PPP1CC: variants seen among roughly 807,000 people sequenced by gnomAD.
The protein encoded by PPP1CC is protein phosphatase 1 catalytic subunit gamma, also known as serine/threonine-protein phosphatase PP1-gamma catalytic subunit.
Under a neutral mutation model 38.4 loss-of-function variants are expected in PPP1CC, and 16 were observed. The observed-to-expected ratio is 0.42, with a 90% CI of 0.28 to 0.63. The LOEUF (loss-of-function observed/expected upper bound fraction) is 0.63, where lower values mean the gene tolerates loss of function less well. PPP1CC is among the 30% of genes least tolerant of loss of function. The probability of loss-of-function intolerance (pLI) is 0.25; values close to 1 mark genes in which losing one functional copy is unlikely to be tolerated. For missense variants in PPP1CC, 170 were observed against 391.3 expected (o/e 0.43, Z 4.77); for synonymous variants, 158 against 136.0 (o/e 1.16, Z -1.13).
At chr12:110,731,975 C>CA in intron 1 of PPP1CC, 74 bp from the exon 2 acceptor site, 1 of 1,535,542 alleles carries the variant, frequency 6.5e-7, no homozygotes, top group African/African-American at 1.4e-5. Flanking sequence ...GATAAAGGGG[C>CA]AAAAACATGG....
At chr12:110,714,518 G>A in the PPP1CC span, among the ~76,000 whole-genome samples, 1 of 151,896 alleles carries the variant, frequency 6.6e-6, no homozygotes, top group Non-Finnish European at 1.5e-5. Context: ...TGTGGTGTTT[G>A]TAGGTCAGTA....
At chr12:110,723,655 G>A (rs1020428970) in intron 4 of PPP1CC, among the ~76,000 whole-genome samples, 1 of 152,100 alleles carries the variant, frequency 6.6e-6, no homozygotes, top group Non-Finnish European at 1.5e-5. Context: ...GGCTACAGGT[G>A]TGCACCATTA....
chr12:110,710,447 G>A, the PPP1CC span, among the ~76,000 whole-genome samples: 5 of 144,008 alleles, frequency 3.5e-5, no homozygotes, highest in South Asian at 4.4e-4. Context: ...GGCTGGGTGC[G>A]GTGGCTCACA....
rs2136536035 is a variant in PPP1CC at position 110,720,245 on chromosome 12, G to A, written c.*831C>T. On this transcript the variant is annotated 3_prime_UTR_variant, in exon 7 of 7. Transcript: ENST00000335007. The stretch of plus-strand genomic sequence containing the variant: ...TTAATGAATAGACTATATGGAAATT[G>A]TATAAAATGTTATTACCTTTTATCG... The A allele has an allele frequency of 6.8e-7, 1 of 1,468,354 alleles. No individual in the cohort carries two copies. Among genetic ancestry groups the A allele is most frequent in the South Asian group, 1.2e-5 (1 of 82,048 alleles). 91.0% of individuals were successfully genotyped at this position (1,468,354 alleles called of 1,614,324 possible). A position where few individuals can be genotyped will look rare whatever the true frequency, so the allele number is the denominator to read the frequency against.
chr12:110,720,075 C>G lies in PPP1CC; in HGVS notation c.*1001G>C, dbSNP rs2069720479. 3 of 1,452,452 alleles carry G rather than the reference C, an allele frequency of 2.1e-6. No individual in the cohort carries two copies. The Admixed American group carries it at 6.1e-5, about 30-fold the overall frequency. 90.0% of individuals were successfully genotyped at this position (1,452,452 alleles called of 1,614,324 possible). On this transcript the variant is annotated 3_prime_UTR_variant, in exon 7 of 7. Coordinates refer to ENST00000335007, the MANE Select transcript of PPP1CC (RefSeq NM_002710.4). ...CAGTAAGTTAGTTCCTTTGTTTTAA[C>G]TTATAAGCCTCAACTTCACCGCAGA...
chr12:110,715,881 A>T (rs1042568507), downstream of PPP1CC, among the ~76,000 whole-genome samples: 1 of 152,128 alleles, frequency 6.6e-6, no homozygotes, highest in African/African-American at 2.4e-5. Context: ...TTGGCCTCCC[A>T]AAGTGCTGGG....
Position 110,722,360 on chromosome 12 carries a change from G to T in PPP1CC, c.748-91C>A. 1 of 1,562,238 alleles carries T rather than the reference G, an allele frequency of 6.4e-7. No homozygotes were observed. Among genetic ancestry groups the T allele is most frequent in the Non-Finnish European group, 8.8e-7 (1 of 1,139,276 alleles). The stretch of plus-strand genomic sequence containing the variant: ...TTTCCCATTGAGCCTGATATCTTGT[G>T]TTCCAGAAACACTTTGTATAAATAA... On this transcript the variant is annotated intron_variant, in intron 5 of 6. Transcript: ENST00000335007. This position sits in a 1 kb window ranked among gnomAD's most constrained non-coding sequence, Gnocchi z 5.4.
downstream of PPP1CC, among the ~76,000 whole-genome samples, chr12:110,718,243 A>G (rs74455870): frequency 5.5e-3 from 831 of 152,270 alleles, 7 homozygotes; most frequent in African/African-American, 0.019. Context: ...TAGTTTGTGT[A>G]CCAAATCAGC....
the PPP1CC span, among the ~76,000 whole-genome samples, chr12:110,709,403 T>C: frequency 6.6e-6 from 1 of 151,554 alleles, no homozygotes; most frequent in African/African-American, 2.4e-5. Flanking sequence ...TAATTTTTTG[T>C]ATTTTTAGTA....
chr12:110,720,214 G>T lies in PPP1CC; in HGVS notation c.*862C>A, dbSNP rs1442402661. On this transcript the variant is annotated 3_prime_UTR_variant, in exon 7 of 7. Transcript: ENST00000335007. ...TTCAGGCCTGATGCAACTGTAAAAAGATTACTTAATGAATAGACTATATGG... is the reference window on the plus strand; with the variant it reads ...TTCAGGCCTGATGCAACTGTAAAAATATTACTTAATGAATAGACTATATGG... The T allele has an allele frequency of 2.2e-5, 34 of 1,541,756 alleles. No homozygotes were observed. The highest frequency in any genetic ancestry group is 2.9e-5 in the Non-Finnish European group (33 of 1,148,184).
chr12:110,730,426 C>A, intron 3 of PPP1CC, 103 bp downstream of exon 3: 1 of 922,260 alleles, frequency 1.1e-6, no homozygotes, highest in South Asian at 1.7e-5. Flanking sequence ...GATGATACCA[C>A]TGCATCTAAA....
At chr12:110,736,064 A>AAAACAAACAAACAAAC (rs10699448) in intron 1 of PPP1CC, among the ~76,000 whole-genome samples, 3 of 150,238 alleles carry the variant, frequency 2.0e-5, no homozygotes, top group Non-Finnish European at 4.4e-5. Flanking sequence ...ACTTTGTCTC[A>AAAACAAACAAACAAAC]AAACAAACAA....
At chr12:110,734,246 C>A (rs2069915380) in intron 1 of PPP1CC, among the ~76,000 whole-genome samples, 1 of 152,216 alleles carries the variant, frequency 6.6e-6, no homozygotes, top group African/African-American at 2.4e-5. Context: ...ATAGCCAGCA[C>A]ACAGCAGGTG....
At chr12:110,721,874 C>T (rs2069743007) in intron 6 of PPP1CC, 1 of 467,952 alleles carries the variant, frequency 2.1e-6, no homozygotes, top group East Asian at 3.1e-5. Flanking sequence ...TTTAGATTTA[C>T]AGTAAAAGAG....
intron 2 of PPP1CC, among the ~76,000 whole-genome samples, chr12:110,731,081 C>G (rs950146576): frequency 6.6e-6 from 1 of 152,170 alleles, no homozygotes; most frequent in African/African-American, 2.4e-5. Context: ...TTCAGGCTGA[C>G]TGATCAATAT....
chr12:110,712,034 TATA>T, the PPP1CC span, among the ~76,000 whole-genome samples: 1 of 152,152 alleles, frequency 6.6e-6, no homozygotes, highest in Non-Finnish European at 1.5e-5. Flanking sequence ...CCCATAAGAC[TATA>T]ATACCATATT....
intron 3 of PPP1CC, among the ~76,000 whole-genome samples, chr12:110,727,385 TTCA>T (rs1313319885): frequency 6.6e-6 from 1 of 152,198 alleles, no homozygotes; most frequent in East Asian, 1.9e-4. Flanking sequence ...CTATTCTCTC[TTCA>T]TTTCCTCCCT....
chr12:110,730,454 A>G (rs1288305188), intron 3 of PPP1CC, 75 bp downstream of exon 3: 48 of 1,142,902 alleles, frequency 4.2e-5, no homozygotes, highest in Non-Finnish European at 5.5e-5. Context: ...AATTCCTAAC[A>G]GAAGTATGTG....
rs1375064548 is a variant in PPP1CC, at chr12:110,729,197, T to A, written c.418+1332A>T. 3.4e-5 allele frequency among the ~76,000 whole-genome samples: 5 copies of A among 148,952 alleles called. No homozygotes were observed. The East Asian group carries it at 9.7e-4, about 29-fold the overall frequency. ...CTGAACTGATATTTTCAAAGCTTTT[T>A]TTTTTTTTTTTTTTTGAGACGGAGT... is the stretch of plus-strand genomic sequence containing the variant. On this transcript the variant is annotated intron_variant, in intron 3 of 6. Transcript: ENST00000335007.
Sources: gnomAD v4.1 joint callset for allele counts (sites outside exome capture counted in the v4.1 genomes callset) on GRCh38, gnomAD v4.1.1 for gene constraint, Gnocchi (gnomAD v3.1) non-coding constraint, MANE v1.5 for transcripts, NCBI Gene and HGNC (gene_info 2026-07-23, HGNC 2026-07-21) for gene names.